MALRD1: variants seen among roughly 807,000 people sequenced by gnomAD.
The protein encoded by MALRD1 is MAM and LDL receptor class A domain containing 1, also known as MAM and LDL-receptor class A domain-containing protein 1.
Under a neutral mutation model 242.1 loss-of-function variants are expected in MALRD1, and 247 were observed. That is an observed-to-expected ratio of 1.02 (90% CI 0.92 to 1.13). The LOEUF is 1.13. Among genes scored for constraint, MALRD1 ranks in the 50% most tolerant of loss-of-function variants. The pLI is 0.00. For missense variants in MALRD1, 2,989 were observed against 2,533.1 expected (o/e 1.18, Z -3.86); for synonymous variants, 995 against 866.6 (o/e 1.15, Z -2.60).
intron 34 of MALRD1, among the ~76,000 whole-genome samples, chr10:19,597,791 A>G (rs1267149173): frequency 6.6e-6 from 1 of 152,186 alleles, no homozygotes; most frequent in African/African-American, 2.4e-5. Context: ...GCACATAGGG[A>G]ACTCTCTATG....
At chr10:19,627,782 A>G (rs1441132274) in intron 36 of MALRD1, among the ~76,000 whole-genome samples, 1 of 149,348 alleles carries the variant, frequency 6.7e-6, no homozygotes, top group African/African-American at 2.5e-5. Context: ...AAAAAAAGGA[A>G]AAAAGGAAGA....
intron 24 of MALRD1, among the ~76,000 whole-genome samples, chr10:19,335,233 G>A (rs558953742): frequency 2.1e-4 from 30 of 146,114 alleles, no homozygotes; most frequent in African/African-American, 5.5e-4. Flanking sequence ...TATTCATACC[G>A]GTAATATTAG....
At chr10:19,058,944 T>G (rs1834744003) in intron 1 of MALRD1, among the ~76,000 whole-genome samples, 1 of 152,196 alleles carries the variant, frequency 6.6e-6, no homozygotes, top group South Asian at 2.1e-4. Context: ...AGTATTTTTA[T>G]AATATGAAAG....
At chr10:19,061,450 TCTCAAGGAAC>T (rs904229180) in intron 1 of MALRD1, among the ~76,000 whole-genome samples, 1 of 151,960 alleles carries the variant, frequency 6.6e-6, no homozygotes, top group Non-Finnish European at 1.5e-5. Flanking sequence ...TCATGTAGAA[TCTCAAGGAAC>T]CTCAAATAAC....
chr10:19,491,170 A>G (rs539176899), intron 29 of MALRD1: 27 of 481,586 alleles, frequency 5.6e-5, no homozygotes, highest in Middle Eastern at 6.5e-4. Flanking sequence ...TCATCAGTGC[A>G]TGCTGACAAT....
chr10:19,480,360 C>T (rs952565054), intron 29 of MALRD1, among the ~76,000 whole-genome samples: 3 of 152,114 alleles, frequency 2.0e-5, no homozygotes, highest in Non-Finnish European at 4.4e-5. Context: ...CAGTTAAAAT[C>T]AAGTGGGACT....
chr10:19,288,304 A>G (rs1588857010), intron 21 of MALRD1, among the ~76,000 whole-genome samples: 1 of 152,198 alleles, frequency 6.6e-6, no homozygotes, highest in South Asian at 2.1e-4. Context: ...TTGAGTTACA[A>G]ACAATCCAGT....
At chr10:19,202,396 T>C (rs1316042727) in intron 14 of MALRD1, among the ~76,000 whole-genome samples, 2 of 152,184 alleles carry the variant, frequency 1.3e-5, no homozygotes, top group African/African-American at 4.8e-5. Flanking sequence ...ATAAGTTGTT[T>C]GTAATATTAT....
chr10:19,128,264 C>A lies in MALRD1; in HGVS notation c.987C>A (p.Asn329Lys), dbSNP rs983125782. The A allele has an allele frequency of 8.1e-7, 1 of 1,233,394 alleles. No individual in the cohort carries two copies. Among genetic ancestry groups the A allele is most frequent in the African/African-American group, 1.6e-5 (1 of 64,464 alleles). The allele number at this position is 1,233,394 out of a possible 1,614,324, so 76.4% of individuals were successfully genotyped here. The change falls in exon 8 of 40, where the codon AAC becomes AAA. Residue 329 changes from asparagine to lysine, a missense_variant. By Grantham distance (94) the Asn-to-Lys change is moderately conservative. Transcript: ENST00000454679. Reference sequence around the variant, plus strand: ...GCGCTAAGCATGGTTTCACTCTTAACCATTTAGACAGCAGGGCTTACCTAA... The same window carrying A: ...GCGCTAAGCATGGTTTCACTCTTAAACATTTAGACAGCAGGGCTTACCTAA... ...WVGAKHGFTL[N>K]HLDSRAYLNS...
chr10:19,125,362 TTTCTTTCTTTCTTTCTTTCCTTCC>T (rs1564408096), intron 7 of MALRD1, among the ~76,000 whole-genome samples: 1 of 125,080 alleles, frequency 8.0e-6, no homozygotes, highest in Admixed American at 8.2e-5. Flanking sequence ...TCTTTCTTTC[TTTCTTTCTTTCTTTCTTTCCTTCC>T]TTCCTTCCTT....
At chr10:19,394,803 C>T (rs1009973826) in intron 28 of MALRD1, among the ~76,000 whole-genome samples, 3 of 152,026 alleles carry the variant, frequency 2.0e-5, no homozygotes, top group Admixed American at 1.3e-4. Context: ...TTTTGGATTG[C>T]GGGGTTAGGG....
chr10:19,156,025 T>A (rs2131468919), intron 12 of MALRD1, among the ~76,000 whole-genome samples: 1 of 152,314 alleles, frequency 6.6e-6, no homozygotes, highest in South Asian at 2.1e-4. Flanking sequence ...AACATGCCTC[T>A]CGGCCCTTAG....
intron 35 of MALRD1, 90 bp from the exon 36 acceptor site, chr10:19,615,767 A>C: frequency 9.7e-7 from 1 of 1,034,144 alleles, no homozygotes; most frequent in East Asian, 2.6e-5. Flanking sequence ...CTTAGAGATT[A>C]GATTTAATGT....
chr10:19,163,136 CTAA>C lies in MALRD1; in HGVS notation c.1657-2500_1657-2498del, dbSNP rs1418582787. ...CTGAACAACTGGAGTGAAACCCTGTCTAAAAAAAAAAAAAAAAAAAAAAAAAAA... is the reference window on the plus strand; with the variant it reads ...CTGAACAACTGGAGTGAAACCCTGTCAAAAAAAAAAAAAAAAAAAAAAAAA... On this transcript the variant is annotated intron_variant, in intron 12 of 39. Coordinates refer to ENST00000454679, the MANE Select transcript of MALRD1 (RefSeq NM_001142308.3). Among the ~76,000 whole-genome samples the C allele has an allele frequency of 1.5e-3, 57 of 36,906 alleles. 1 individual carries two copies. Among genetic ancestry groups the C allele is most frequent in the South Asian group, 4.7e-3 (2 of 426 alleles). The allele number at this position is 36,906 out of a possible 152,430, so 24.2% of individuals were successfully genotyped here.
chr10:19,152,724 G>A (rs1271243264), intron 11 of MALRD1, among the ~76,000 whole-genome samples: 1 of 151,690 alleles, frequency 6.6e-6, no homozygotes, highest in African/African-American at 2.4e-5. Flanking sequence ...ATAAAAAATG[G>A]AATACTTTGG....
intron 28 of MALRD1, among the ~76,000 whole-genome samples, chr10:19,433,753 G>A (rs965489112): frequency 2.6e-5 from 4 of 152,092 alleles, no homozygotes; most frequent in African/African-American, 9.7e-5. Flanking sequence ...TGAAAGTCAT[G>A]CATGGGAACT....
chr10:19,190,757 G>A (rs560486089), intron 14 of MALRD1, among the ~76,000 whole-genome samples: 55 of 151,238 alleles, frequency 3.6e-4, no homozygotes, highest in South Asian at 3.5e-3. Flanking sequence ...ATCAACTTGC[G>A]AAAGTATGAA....
At chr10:19,252,507 A>G (rs1839337280) in intron 18 of MALRD1, among the ~76,000 whole-genome samples, 1 of 152,120 alleles carries the variant, frequency 6.6e-6, no homozygotes, top group African/African-American at 2.4e-5. Flanking sequence ...TATAATGCCA[A>G]AAGATCAACA....
At chr10:19,053,529 A>G (rs764428259) in intron 1 of MALRD1, among the ~76,000 whole-genome samples, 50 of 152,190 alleles carry the variant, frequency 3.3e-4, no homozygotes, top group Non-Finnish European at 6.6e-4. Flanking sequence ...CTTTCTGTTC[A>G]GGACCACTAA....
Sources: gnomAD v4.1 joint callset for allele counts (sites outside exome capture counted in the v4.1 genomes callset) on GRCh38, gnomAD v4.1.1 for gene constraint, MANE v1.5 for transcripts, NCBI Gene and HGNC (gene_info 2026-07-23, HGNC 2026-07-21) for gene names.